GBP7: variants seen among roughly 807,000 people sequenced by gnomAD.
GBP7 encodes guanylate-binding protein 7.
A neutral mutation model predicts 61.3 loss-of-function variants in GBP7; 43 were observed. The observed-to-expected ratio is 0.70, with a 90% CI of 0.55 to 0.91. The LOEUF (loss-of-function observed/expected upper bound fraction) is 0.91, where lower values mean the gene tolerates loss of function less well. GBP7 is among the 40% of genes least tolerant of loss of function. GBP7 has a pLI of 0.00. For synonymous variants in GBP7, 267 were observed against 271.0 expected, an observed-to-expected ratio of 0.99 and a Z score of 0.14; for missense variants, 717 against 740.5, an observed-to-expected ratio of 0.97 and a Z score of 0.37.
At chr1:89,172,760 CTT>C (rs58362214) in intron 1 of GBP7, among the ~76,000 whole-genome samples, 1 of 147,932 alleles carries the variant, frequency 6.8e-6, no homozygotes. Context: ...TCTCATCATA[CTT>C]TTTTTTTTTT....
intron 8 of GBP7, among the ~76,000 whole-genome samples, chr1:89,141,876 C>T (rs1296451530): frequency 6.6e-6 from 1 of 152,194 alleles, no homozygotes; most frequent in African/African-American, 2.4e-5. Flanking sequence ...CCAGCCTCTT[C>T]TCCCAGGGAT....
At chr1:89,171,994 G>T in intron 1 of GBP7, 40 bp from the exon 2 acceptor site, 1 of 1,407,050 alleles carries the variant, frequency 7.1e-7, no homozygotes, top group Non-Finnish European at 9.9e-7. Context: ...TGTCTGGTAA[G>T]TCAGTTGAGC....
chr1:89,170,073 G>A (rs1378201589), intron 2 of GBP7, among the ~76,000 whole-genome samples: 2 of 152,080 alleles, frequency 1.3e-5, no homozygotes, highest in Non-Finnish European at 2.9e-5. Flanking sequence ...TGTTCAAATT[G>A]TACCAGTGAT....
chr1:89,135,639 A>T (rs1376005578), intron 9 of GBP7, among the ~76,000 whole-genome samples: 1 of 152,190 alleles, frequency 6.6e-6, no homozygotes, highest in Non-Finnish European at 1.5e-5. Context: ...AGACAAGCAA[A>T]TGCTAAGGGA....
intron 9 of GBP7, among the ~76,000 whole-genome samples, chr1:89,134,891 A>C (rs2100634127): frequency 6.6e-6 from 1 of 152,304 alleles, no homozygotes; most frequent in East Asian, 1.9e-4. Context: ...TCTGGATGGC[A>C]ATGAAGATTA....
At chr1:89,152,131 C>T (rs1194870433) in intron 5 of GBP7, 137 bp downstream of exon 5, 1 of 664,152 alleles carries the variant, frequency 1.5e-6, no homozygotes, top group Non-Finnish European at 2.4e-6. Context: ...ATCATAATCA[C>T]TTATCAATCA....
At chr1:89,143,751 C>T (rs890176198) in intron 8 of GBP7, among the ~76,000 whole-genome samples, 26 of 152,172 alleles carry the variant, frequency 1.7e-4, no homozygotes, top group African/African-American at 6.3e-4. Flanking sequence ...GACCAGACCT[C>T]CAGAGAACTC....
chr1:89,139,796 A>G (rs950087001), intron 9 of GBP7, among the ~76,000 whole-genome samples: 2 of 152,128 alleles, frequency 1.3e-5, no homozygotes. Context: ...GAAACAACAG[A>G]TGCTGGAGAG....
intron 3 of GBP7, among the ~76,000 whole-genome samples, chr1:89,162,314 A>T (rs545653656): frequency 1.3e-5 from 2 of 152,218 alleles, no homozygotes; most frequent in Non-Finnish European, 2.9e-5. Context: ...TTCTGTGAAG[A>T]ATCTCAATGG....
At chr1:89,154,199 C>A (rs1682263887) in intron 3 of GBP7, among the ~76,000 whole-genome samples, 2 of 152,118 alleles carry the variant, frequency 1.3e-5, no homozygotes, top group Non-Finnish European at 2.9e-5. Flanking sequence ...AAAGTTTATG[C>A]CCATTACAAT....
Position 89,169,851 on chromosome 1 carries a change from T to C in GBP7, c.190+1895A>G, listed in dbSNP as rs115810968. On this transcript the variant is annotated intron_variant, in intron 2 of 10. Coordinates refer to ENST00000294671, the MANE Select transcript of GBP7 (RefSeq NM_207398.3). ...AATGATAGAACAATACTTATAAAAA[T>C]GAGACTCTTATCCTTCTTAAATTTT... Among the ~76,000 whole-genome samples the C allele has an allele frequency of 5.0e-3, 756 of 152,296 alleles. 5 individuals carry two copies. The highest frequency in any genetic ancestry group is 0.017 in the African/African-American group (701 of 41,554).
At chr1:89,150,662 C>A in intron 5 of GBP7, 87 bp from the exon 6 acceptor site, 1 of 1,333,966 alleles carries the variant, frequency 7.5e-7, no homozygotes, top group South Asian at 1.3e-5. Context: ...TTCCATCAAT[C>A]ACTACAGTCT....
At chr1:89,134,623 C>T (rs964252692) in intron 9 of GBP7, among the ~76,000 whole-genome samples, 31 of 134,162 alleles carry the variant, frequency 2.3e-4, no homozygotes, top group East Asian at 2.0e-3. Context: ...AAAAAAAACC[C>T]AGTCAGATGA....
chr1:89,141,610 C>T lies in GBP7; in HGVS notation c.1404G>A (p.Val468=), dbSNP rs1245418659. 6.2e-7 allele frequency: 1 copy of T among 1,613,722 alleles called. No homozygotes were observed. Among genetic ancestry groups the T allele is most frequent in the Non-Finnish European group, 8.5e-7 (1 of 1,179,824 alleles). The stretch of plus-strand genomic sequence containing the variant: ...ACTGCAGGATGGATTCCTCTATAAC[C>T]ACCTGTGACTGCAGGAAGCTCTGGA... ...EVLQSFLQSQ[V]VIEESILQSD... The change falls in exon 9 of 11, where the codon GTG becomes GTA. Residue 468 remains valine (V), a synonymous_variant. Transcript: ENST00000294671.
intron 8 of GBP7, among the ~76,000 whole-genome samples, chr1:89,145,944 G>T (rs1178959720): frequency 6.6e-6 from 1 of 152,048 alleles, no homozygotes; most frequent in Non-Finnish European, 1.5e-5. Flanking sequence ...TTCCAATGGT[G>T]TTTTTTCACA....
In GBP7 at chr1:89,149,409, G is replaced by A. The variant is rs1330355504; in HGVS notation, c.1035C>T (p.Pro345=). Residue 345 remains proline, a synonymous_variant, in exon 7 of 11, where the codon CCC becomes CCT. Coordinates refer to ENST00000294671, the MANE Select transcript of GBP7 (RefSeq NM_207398.3). ...SQQMAQQVRF[P]TDTLQELLDV... ...CCAGCAGCTCCTGGAGTGTGTCTGT[G>A]GGGAATCTCACTTGCTGGGCCATCT... The A allele has an allele frequency of 2.3e-5, 37 of 1,614,160 alleles. No homozygotes were observed. Among genetic ancestry groups the A allele is most frequent in the Non-Finnish European group, 3.1e-5 (37 of 1,180,022 alleles).
intron 9 of GBP7, among the ~76,000 whole-genome samples, chr1:89,137,225 A>G (rs1045701697): frequency 7.2e-5 from 11 of 152,074 alleles, no homozygotes; most frequent in Non-Finnish European, 1.5e-4. Context: ...TGCCATACAT[A>G]GAAAGAAGAG....
chr1:89,140,093 C>T (rs1681897517), intron 9 of GBP7, among the ~76,000 whole-genome samples: 1 of 151,802 alleles, frequency 6.6e-6, no homozygotes, highest in Non-Finnish European at 1.5e-5. Context: ...ACATATACAC[C>T]ATGGAATACT....
intron 3 of GBP7, among the ~76,000 whole-genome samples, chr1:89,155,295 TCTC>T (rs1319945777): frequency 6.6e-6 from 1 of 152,106 alleles, no homozygotes; most frequent in African/African-American, 2.4e-5. Context: ...GAGCACCCCT[TCTC>T]CTCCAAAGGA....
Sources: allele counts gnomAD v4.1 joint callset (sites outside exome capture counted in the v4.1 genomes callset), GRCh38; gene constraint gnomAD v4.1.1; transcripts MANE v1.5; gene names NCBI Gene and HGNC (gene_info 2026-07-23, HGNC 2026-07-21).